Variants in MRTFB observed in about 807,000 individuals in gnomAD.
MRTFB encodes the protein myocardin related transcription factor B, also known as myocardin-related transcription factor B.
Under a neutral mutation model 104.2 loss-of-function variants are expected in MRTFB, and 29 were observed. The ratio of observed to expected loss-of-function variants is 0.28; its 90% CI spans 0.21 to 0.38. The LOEUF is 0.38. Among genes scored for constraint, MRTFB ranks in the 10% least tolerant of loss-of-function variants. MRTFB has a pLI of 1.00. For synonymous variants in MRTFB, 535 were observed against 519.5 expected (o/e 1.03, Z -0.41); for missense variants, 1,270 against 1,341.6 (o/e 0.95, Z 0.83).
intron 3 of MRTFB, among the ~76,000 whole-genome samples, chr16:14,157,327 A>G (rs1375306360): frequency 6.6e-6 from 1 of 152,232 alleles, no homozygotes; most frequent in Non-Finnish European, 1.5e-5. Flanking sequence ...TGAGTGGTAG[A>G]ATAGAAATAA....
chr16:14,241,801 T>C (rs184837216), intron 10 of MRTFB, among the ~76,000 whole-genome samples: 139 of 152,176 alleles, frequency 9.1e-4, no homozygotes, highest in African/African-American at 3.0e-3. Flanking sequence ...CAGTTACTAT[T>C]TTAAGAGCAG....
At chr16:14,091,123 G>A (rs938661544) in intron 2 of MRTFB, among the ~76,000 whole-genome samples, 1 of 152,102 alleles carries the variant, frequency 6.6e-6, no homozygotes, top group Non-Finnish European at 1.5e-5. Context: ...CTGGATGCAA[G>A]GGGCAGGTCT....
At chr16:14,239,813 A>G (rs1207293613) in intron 9 of MRTFB, among the ~76,000 whole-genome samples, 3 of 151,952 alleles carry the variant, frequency 2.0e-5, no homozygotes, top group East Asian at 1.9e-4. Context: ...GCATTTTTTC[A>G]TTTTTACATA....
At chr16:14,106,148 G>A (rs1330828725) in intron 2 of MRTFB, among the ~76,000 whole-genome samples, 1 of 152,200 alleles carries the variant, frequency 6.6e-6, no homozygotes, top group Non-Finnish European at 1.5e-5. Flanking sequence ...AAAAGGCAAG[G>A]TTCTCAACCC....
the MRTFB span, among the ~76,000 whole-genome samples, chr16:14,003,559 G>C: frequency 0.021 from 3,264 of 152,152 alleles, 116 homozygotes; most frequent in African/African-American, 0.075. Context: ...CATGCACGTA[G>C]GTCCTGGCAG....
At chr16:14,053,991 C>T in the MRTFB span, among the ~76,000 whole-genome samples, 2 of 152,070 alleles carry the variant, frequency 1.3e-5, no homozygotes, top group Non-Finnish European at 2.9e-5. Flanking sequence ...ATTGTGAGGT[C>T]GTGTGCTAGT....
At chr16:14,096,818 TC>T (rs1298758839) in intron 2 of MRTFB, among the ~76,000 whole-genome samples, 3 of 152,238 alleles carry the variant, frequency 2.0e-5, no homozygotes, top group Admixed American at 1.3e-4. Flanking sequence ...GGGTCCCTGT[TC>T]CTAAGCTTTT....
intron 13 of MRTFB, among the ~76,000 whole-genome samples, chr16:14,250,313 T>A (rs1171163288): frequency 6.6e-6 from 1 of 152,224 alleles, no homozygotes; most frequent in Non-Finnish European, 1.5e-5. Context: ...AGAATATTAG[T>A]GGTATAGAAC....
chr16:14,192,208 C>CAA (rs76148090), intron 3 of MRTFB, among the ~76,000 whole-genome samples: 16 of 120,562 alleles, frequency 1.3e-4, no homozygotes, highest in Middle Eastern at 4.5e-3. Flanking sequence ...TCCGTCTCTA[C>CAA]AAAAAAAAAA....
At chr16:14,038,425 C>A in the MRTFB span, among the ~76,000 whole-genome samples, 2 of 152,124 alleles carry the variant, frequency 1.3e-5, no homozygotes, top group African/African-American at 4.8e-5. Flanking sequence ...TCAGCGTTTC[C>A]CAAGGTATGT....
chr16:14,202,119 C>CAAA (rs57738397), intron 3 of MRTFB, among the ~76,000 whole-genome samples: 1 of 105,210 alleles, frequency 9.5e-6, no homozygotes, highest in South Asian at 3.1e-4. Flanking sequence ...GTTTACAAGG[C>CAAA]AAAAAAAAAA....
chr16:14,059,700 T>G, the MRTFB span, among the ~76,000 whole-genome samples: 1 of 152,144 alleles, frequency 6.6e-6, no homozygotes, highest in East Asian at 1.9e-4. Context: ...AGGAAAATCA[T>G]GCTGGACAGA....
At chr16:14,164,087 A>AAT (rs2039141924) in intron 3 of MRTFB, among the ~76,000 whole-genome samples, 1 of 152,134 alleles carries the variant, frequency 6.6e-6, no homozygotes, top group Admixed American at 6.5e-5. Context: ...ACTATTTTGA[A>AAT]ATATATAATA....
the MRTFB span, among the ~76,000 whole-genome samples, chr16:14,061,508 A>T: frequency 1.3e-5 from 2 of 151,080 alleles, no homozygotes. Flanking sequence ...AAGGCCAGAC[A>T]GCAAATATGG....
rs557558260 is a variant in MRTFB, at chr16:14,219,070, C to T, written c.693+72C>T. 6.9e-5 allele frequency: 92 copies of T among 1,342,308 alleles called. 1 individual carries two copies. In the South Asian group the frequency reaches 1.7e-3, roughly 25 times the overall value. The allele number at this position is 1,342,308 out of a possible 1,614,324, so 83.1% of individuals were successfully genotyped here. A position where few individuals can be genotyped will look rare whatever the true frequency, so the allele number is the denominator to read the frequency against. On this transcript the variant is annotated intron_variant, in intron 8 of 16. Transcript: ENST00000571589. Reference sequence around the variant, plus strand: ...TTTTTTTTAATATATTAAGGTAATACACTTTGACCAGAAGAAAATTCTGAA... The same window carrying T: ...TTTTTTTTAATATATTAAGGTAATATACTTTGACCAGAAGAAAATTCTGAA...
At chr16:14,165,293 G>A (rs538681580) in intron 3 of MRTFB, among the ~76,000 whole-genome samples, 7 of 152,224 alleles carry the variant, frequency 4.6e-5, no homozygotes, top group East Asian at 3.9e-4. Context: ...GTTTGCTGCC[G>A]TGGAGAATTG....
chr16:14,254,167 G>C (rs2043378465), intron 15 of MRTFB, among the ~76,000 whole-genome samples: 2 of 152,184 alleles, frequency 1.3e-5, no homozygotes, highest in African/African-American at 4.8e-5. Context: ...GTAGCCACCT[G>C]TAGGTCCTGC....
At chr16:13,996,784 G>A in the MRTFB span, among the ~76,000 whole-genome samples, 1 of 152,198 alleles carries the variant, frequency 6.6e-6, no homozygotes, top group Non-Finnish European at 1.5e-5. Context: ...TACTTGAGAT[G>A]CCCCCAGTGG....
At chr16:14,102,385 G>A (rs1280098800) in intron 2 of MRTFB, among the ~76,000 whole-genome samples, 1 of 152,150 alleles carries the variant, frequency 6.6e-6, no homozygotes, top group Non-Finnish European at 1.5e-5. Context: ...AAGTGGAGAT[G>A]ATAATGATAC....
Sources: gnomAD v4.1 joint callset for allele counts (sites outside exome capture counted in the v4.1 genomes callset) on GRCh38, gnomAD v4.1.1 for gene constraint, MANE v1.5 for transcripts, NCBI Gene and HGNC (gene_info 2026-07-23, HGNC 2026-07-21) for gene names.